Variants in SCHIP1 observed in about 807,000 individuals in gnomAD.
The protein encoded by SCHIP1 is schwannomin interacting protein 1.
A neutral mutation model predicts 29.7 loss-of-function variants in SCHIP1; 8 were observed. The ratio of observed to expected loss-of-function variants is 0.27; its 90% CI spans 0.16 to 0.49. SCHIP1 has a LOEUF of 0.49. Among genes scored for constraint, SCHIP1 ranks in the 20% least tolerant of loss-of-function variants. SCHIP1 has a pLI of 0.99. For synonymous variants in SCHIP1, 76 were observed against 94.9 expected (o/e 0.80, Z 1.16); for missense variants, 193 against 294.6 (o/e 0.66, Z 2.52).
chr3:159,299,450 C>T, the SCHIP1 span, among the ~76,000 whole-genome samples: 2 of 152,020 alleles, frequency 1.3e-5, no homozygotes, highest in Non-Finnish European at 2.9e-5. Flanking sequence ...CCTTTGAATA[C>T]AACAACAACA....
the SCHIP1 span, among the ~76,000 whole-genome samples, chr3:159,716,221 G>T: frequency 1.3e-5 from 2 of 152,198 alleles, no homozygotes; most frequent in South Asian, 2.1e-4. Flanking sequence ...GACACCATCA[G>T]GTCTGCCTTA....
At chr3:159,716,682 G>A in the SCHIP1 span, among the ~76,000 whole-genome samples, 1 of 152,186 alleles carries the variant, frequency 6.6e-6, no homozygotes, top group Non-Finnish European at 1.5e-5. Context: ...TCAACAAGAA[G>A]CGCTAACTAT....
At chr3:159,573,410 T>A in the SCHIP1 span, among the ~76,000 whole-genome samples, 1 of 152,220 alleles carries the variant, frequency 6.6e-6, no homozygotes, top group African/African-American at 2.4e-5. Flanking sequence ...GGGTTGAAAA[T>A]TCTTTTAAGA....
the SCHIP1 span, among the ~76,000 whole-genome samples, chr3:159,402,320 T>A: frequency 5.7e-3 from 865 of 152,302 alleles, 9 homozygotes; most frequent in Non-Finnish European, 9.6e-3. Flanking sequence ...GGAACACTTT[T>A]ACAGTGTTGG....
chr3:159,879,975 G>A (rs1716270496), intron 2 of SCHIP1, among the ~76,000 whole-genome samples: 1 of 152,192 alleles, frequency 6.6e-6, no homozygotes, highest in African/African-American at 2.4e-5. Context: ...AACATGTACA[G>A]ATGGAAGGGT....
At chr3:159,600,200 C>T in the SCHIP1 span, among the ~76,000 whole-genome samples, 1 of 152,162 alleles carries the variant, frequency 6.6e-6, no homozygotes, top group South Asian at 2.1e-4. Flanking sequence ...AGAAGACCTT[C>T]TTGCATTGTA....
intron 1 of SCHIP1, among the ~76,000 whole-genome samples, chr3:159,843,603 G>A (rs1466498097): frequency 6.6e-6 from 1 of 151,856 alleles, no homozygotes; most frequent in East Asian, 2.0e-4. Context: ...TGCGGATCAC[G>A]AGGTCAGGAG....
At chr3:159,275,978 T>A in the SCHIP1 span, among the ~76,000 whole-genome samples, 6 of 152,192 alleles carry the variant, frequency 3.9e-5, no homozygotes, top group Admixed American at 3.9e-4. Context: ...GCAAGGGATT[T>A]ATAACCTTTG....
At chr3:159,809,660 CAAAAAA>C in the SCHIP1 span, among the ~76,000 whole-genome samples, 11 of 98,544 alleles carry the variant, frequency 1.1e-4, no homozygotes, top group African/African-American at 5.0e-4. Flanking sequence ...AACTCCATCT[CAAAAAA>C]AAAAAAAAAA....
the SCHIP1 span, among the ~76,000 whole-genome samples, chr3:159,490,261 T>C: frequency 6.6e-6 from 1 of 152,210 alleles, no homozygotes; most frequent in Non-Finnish European, 1.5e-5. Context: ...TCTTAGTTAC[T>C]TTGAAATGTT....
At chr3:159,603,665 G>C in the SCHIP1 span, among the ~76,000 whole-genome samples, 1 of 152,168 alleles carries the variant, frequency 6.6e-6, no homozygotes, top group Admixed American at 6.5e-5. Context: ...GGAATTTCCT[G>C]ATTATTGAAT....
Position 159,887,701 on chromosome 3 carries a change from T to G in SCHIP1, c.268-7T>G. On this transcript the variant is annotated splice_polypyrimidine_tract_variant and splice_region_variant and intron_variant, in intron 3 of 6. Coordinates refer to ENST00000445224, the Ensembl canonical transcript of SCHIP1. ...GAAGGCTCAGGCTGCTCTTTTTCCCTTTGCAGAGCAAACAGAGTTCTTCCT... is the reference window on the plus strand; with the variant it reads ...GAAGGCTCAGGCTGCTCTTTTTCCCGTTGCAGAGCAAACAGAGTTCTTCCT... The G allele has an allele frequency of 6.2e-7, 1 of 1,613,872 alleles. No individual in the cohort carries two copies. Among genetic ancestry groups the G allele is most frequent in the South Asian group, 1.1e-5 (1 of 91,048 alleles).
chr3:159,492,931 A>G, the SCHIP1 span, among the ~76,000 whole-genome samples: 13 of 152,234 alleles, frequency 8.5e-5, no homozygotes, highest in African/African-American at 2.7e-4. Context: ...GCCAGAAGAG[A>G]TGGGGGACCA....
At chr3:159,556,897 C>A in the SCHIP1 span, among the ~76,000 whole-genome samples, 1 of 148,622 alleles carries the variant, frequency 6.7e-6, no homozygotes, top group South Asian at 2.1e-4. Flanking sequence ...TGCACATGCA[C>A]CCTAAAACTT....
intron 1 of SCHIP1, among the ~76,000 whole-genome samples, chr3:159,865,416 A>G (rs560815809): frequency 5.3e-5 from 8 of 152,326 alleles, no homozygotes; most frequent in South Asian, 4.1e-4. Context: ...ACATATCCAA[A>G]TGATCACAGT....
chr3:159,459,561 C>CA, the SCHIP1 span, among the ~76,000 whole-genome samples: 68,732 of 150,590 alleles, frequency 0.46, 17,564 homozygotes, highest in African/African-American at 0.7. Context: ...TGCTATATAA[C>CA]AAAAAAAAAT....
the SCHIP1 span, among the ~76,000 whole-genome samples, chr3:159,411,224 G>C: frequency 6.6e-6 from 1 of 152,024 alleles, no homozygotes; most frequent in African/African-American, 2.4e-5. Flanking sequence ...TAGGACAATG[G>C]GGCAAGTACA....
chr3:159,455,676 C>T, the SCHIP1 span, among the ~76,000 whole-genome samples: 1 of 152,154 alleles, frequency 6.6e-6, no homozygotes, highest in Admixed American at 6.5e-5. Context: ...AGGCCCAATC[C>T]TAATGATCAA....
the SCHIP1 span, among the ~76,000 whole-genome samples, chr3:159,777,141 T>G: frequency 6.6e-6 from 1 of 152,352 alleles, no homozygotes. Flanking sequence ...CATATACATT[T>G]GTGAGACTAA....
Sources: gnomAD v4.1 joint callset for allele counts (sites outside exome capture counted in the v4.1 genomes callset) on GRCh38, gnomAD v4.1.1 for gene constraint, MANE v1.5 for transcripts, NCBI Gene and HGNC (gene_info 2026-07-23, HGNC 2026-07-21) for gene names.